SLC71A2: variants seen among roughly 807,000 people sequenced by gnomAD.
The protein encoded by SLC71A2 is solute carrier family 71 member 2, also known as hippocampus abundant transcript-like 1.
At chr9:94,406,335 G>C in the SLC71A2 span, among the ~76,000 whole-genome samples, 1 of 152,134 alleles carries the variant, frequency 6.6e-6, no homozygotes, top group Non-Finnish European at 1.5e-5. Flanking sequence ...CGCCTCCCGG[G>C]TTCAAGCGAT....
At chr9:94,439,248 C>G in the SLC71A2 span, among the ~76,000 whole-genome samples, 1 of 151,808 alleles carries the variant, frequency 6.6e-6, no homozygotes, top group Non-Finnish European at 1.5e-5. Context: ...TCCTGGTTAT[C>G]CACCTGCCTC....
chr9:94,380,302 C>T, the SLC71A2 span, among the ~76,000 whole-genome samples: 1 of 151,020 alleles, frequency 6.6e-6, no homozygotes, highest in Non-Finnish European at 1.5e-5. Context: ...CAGTTTCTTA[C>T]ATGTGTTCTC....
chr9:94,441,243 G>T, the SLC71A2 span: 1,188 of 452,420 alleles, frequency 2.6e-3, 9 homozygotes, highest in African/African-American at 0.02. Context: ...AAGAAAAGAG[G>T]TTTAATTGTC....
the SLC71A2 span, among the ~76,000 whole-genome samples, chr9:94,399,979 T>G: frequency 6.6e-6 from 1 of 152,070 alleles, no homozygotes; most frequent in South Asian, 2.1e-4. Context: ...CTGGCTAATT[T>G]TGTATTTTTA....
At chr9:94,447,642 T>C in the SLC71A2 span, among the ~76,000 whole-genome samples, 1 of 152,204 alleles carries the variant, frequency 6.6e-6, no homozygotes, top group Middle Eastern at 3.2e-3. Context: ...GGGAAATTTT[T>C]ACAACTGATG....
the SLC71A2 span, chr9:94,454,184 T>C: frequency 1.4e-6 from 1 of 695,666 alleles, no homozygotes; most frequent in Non-Finnish European, 2.5e-6. Context: ...GTTTGGTGTA[T>C]TCAACATTGC....
the SLC71A2 span, among the ~76,000 whole-genome samples, chr9:94,378,549 A>G: frequency 6.6e-6 from 1 of 151,852 alleles, no homozygotes; most frequent in Non-Finnish European, 1.5e-5. Context: ...AATTGTTTGA[A>G]ACTGGGAGGC....
the SLC71A2 span, among the ~76,000 whole-genome samples, chr9:94,425,919 T>G: frequency 4.6e-5 from 7 of 152,188 alleles, no homozygotes; most frequent in Non-Finnish European, 4.4e-5. Flanking sequence ...TTTCACTGTC[T>G]CAGTCATAAT....
the SLC71A2 span, among the ~76,000 whole-genome samples, chr9:94,448,605 T>C: frequency 1.2e-4 from 19 of 152,330 alleles, no homozygotes; most frequent in South Asian, 8.3e-4. Flanking sequence ...GGGACTAATA[T>C]TTTACGTGGT....
chr9:94,453,426 G>A, the SLC71A2 span, among the ~76,000 whole-genome samples: 3 of 152,086 alleles, frequency 2.0e-5, no homozygotes, highest in Non-Finnish European at 4.4e-5. Flanking sequence ...GGGATTACAG[G>A]CATGAGCCAC....
At chr9:94,407,046 G>T in the SLC71A2 span, among the ~76,000 whole-genome samples, 1 of 151,864 alleles carries the variant, frequency 6.6e-6, no homozygotes, top group African/African-American at 2.4e-5. Context: ...ATGATGTGAA[G>T]TATGGGTTTT....
the SLC71A2 span, among the ~76,000 whole-genome samples, chr9:94,436,967 A>G: frequency 1.3e-4 from 20 of 152,300 alleles, no homozygotes; most frequent in Non-Finnish European, 2.4e-4. Context: ...AGATAGACAA[A>G]TAACAAGTGA....
the SLC71A2 span, among the ~76,000 whole-genome samples, chr9:94,428,903 TACTTGG>T: frequency 4.6e-5 from 7 of 151,748 alleles, no homozygotes; most frequent in South Asian, 1.5e-3. Context: ...GAATGTCATA[TACTTGG>T]AATTATACAA....
chr9:94,383,397 G>A, the SLC71A2 span, among the ~76,000 whole-genome samples: 3 of 152,038 alleles, frequency 2.0e-5, no homozygotes, highest in Non-Finnish European at 4.4e-5. Context: ...TCCTGACCTC[G>A]TTATCCACCC....
chr9:94,435,632 C>T, the SLC71A2 span, among the ~76,000 whole-genome samples: 6 of 148,042 alleles, frequency 4.1e-5, no homozygotes, highest in African/African-American at 1.5e-4. Flanking sequence ...AGAATTATTC[C>T]GAACCTTTTT....
chr9:94,389,779 T>A, the SLC71A2 span, among the ~76,000 whole-genome samples: 1 of 151,924 alleles, frequency 6.6e-6, no homozygotes. Context: ...GCTAATTTGT[T>A]ATTTTTTTTG....
the SLC71A2 span, among the ~76,000 whole-genome samples, chr9:94,419,826 A>G: frequency 2.0e-5 from 3 of 152,162 alleles, no homozygotes; most frequent in Non-Finnish European, 1.5e-5. Context: ...TGAAGTCTCT[A>G]CAGTATGCAG....
chr9:94,405,141 C>T, the SLC71A2 span, among the ~76,000 whole-genome samples: 1 of 152,116 alleles, frequency 6.6e-6, no homozygotes, highest in Non-Finnish European at 1.5e-5. Context: ...TGTTGCATAT[C>T]ATTTGTGACA....
the SLC71A2 span, among the ~76,000 whole-genome samples, chr9:94,443,472 A>G: frequency 6.6e-6 from 1 of 152,236 alleles, no homozygotes; most frequent in South Asian, 2.1e-4. Context: ...CTTCTTCAGT[A>G]AACCAAGAAA....
Sources: allele counts gnomAD v4.1 joint callset (sites outside exome capture counted in the v4.1 genomes callset), GRCh38; gene constraint gnomAD v4.1.1; transcripts MANE v1.5; gene names NCBI Gene and HGNC (gene_info 2026-07-23, HGNC 2026-07-21).